AP3B2: variants seen among roughly 807,000 people sequenced by gnomAD.
AP3B2 encodes the protein AP-3 complex subunit beta-2.
A neutral mutation model predicts 126.9 loss-of-function variants in AP3B2; 50 were observed. That is an observed-to-expected ratio of 0.39 (90% CI 0.31 to 0.50). The LOEUF is 0.50. AP3B2 is among the 20% of genes least tolerant of loss of function. The pLI, the probability that AP3B2 is intolerant of heterozygous loss-of-function variation, is 0.79. For missense variants in AP3B2, 1,177 were observed against 1,426.4 expected, an observed-to-expected ratio of 0.83 and a Z score of 2.82; for synonymous variants, 541 against 565.0, an observed-to-expected ratio of 0.96 and a Z score of 0.60.
chr15:82,678,304 T>C, intron 10 of AP3B2, 137 bp from the exon 11 acceptor site: 5 of 883,328 alleles, frequency 5.7e-6, no homozygotes, highest in Admixed American at 2.1e-5. Context: ...GATGAGGGAA[T>C]TGACAGGTTA....
At chr15:82,663,723 A>C in intron 20 of AP3B2, 78 bp downstream of exon 20, 1 of 1,599,858 alleles carries the variant, frequency 6.3e-7, no homozygotes, top group Non-Finnish European at 8.5e-7. Flanking sequence ...GTAGGGAGAT[A>C]GATGTCTGGG....
At chr15:82,693,293 C>T (rs1027762422) in intron 1 of AP3B2, among the ~76,000 whole-genome samples, 2 of 149,478 alleles carry the variant, frequency 1.3e-5, no homozygotes, top group African/African-American at 4.9e-5. Flanking sequence ...ATTGCCCAGG[C>T]TGGAGTGCAA....
At chr15:82,685,778 C>G (rs2151446037) in intron 4 of AP3B2, 1 of 152,316 alleles carries the variant, frequency 6.6e-6, no homozygotes, top group Non-Finnish European at 1.5e-5. Flanking sequence ...GCATTTCCTG[C>G]ATTGCTATTT....
intron 1 of AP3B2, chr15:82,692,445 C>T (rs1438818196): frequency 2.9e-6 from 1 of 341,516 alleles, no homozygotes; most frequent in South Asian, 4.7e-5. Context: ...ACTGTGGGAA[C>T]GAGAAGCAAT....
intron 4 of AP3B2, among the ~76,000 whole-genome samples, chr15:82,683,233 G>A (rs1360422880): frequency 6.7e-6 from 1 of 148,410 alleles, no homozygotes; most frequent in African/African-American, 2.5e-5. Context: ...TAATTTTTCT[G>A]TTTTTAGTAG....
intron 4 of AP3B2, among the ~76,000 whole-genome samples, chr15:82,684,171 T>C (rs2048389369): frequency 6.6e-6 from 1 of 152,202 alleles, no homozygotes. Flanking sequence ...CATTGACTTC[T>C]CTCTAGGTAG....
At position 82,689,393 on chromosome 15, in the gene AP3B2, C is replaced by T; in HGVS notation, c.174G>A (p.Met58Ile). The stretch of plus-strand genomic sequence containing the variant: ...CCCCTCTTACCGCCACAATCCTCTT[C>T]ATGGCCTCCAGCTTGAGAGAATCCT... ...TNKDSLKLEA[M>I]KRIVAMIARG... Residue 58 changes from methionine (M) to isoleucine (I), a missense_variant, in exon 2 of 27, where the codon ATG becomes ATA. Coordinates refer to ENST00000535359, the MANE Select transcript of AP3B2 (RefSeq NM_001278512.2). 1 of 1,613,924 alleles carries T rather than the reference C, an allele frequency of 6.2e-7. No individual in the cohort carries two copies. The highest frequency in any genetic ancestry group is 8.5e-7 in the Non-Finnish European group (1 of 1,179,878).
chr15:82,670,457 G>C (rs1380363460), intron 14 of AP3B2, among the ~76,000 whole-genome samples: 1 of 152,144 alleles, frequency 6.6e-6, no homozygotes, highest in Non-Finnish European at 1.5e-5. Flanking sequence ...TTAGGGAAAG[G>C]AGAGTCTCTT....
At chr15:82,704,066 T>C (rs1343164832) in intron 1 of AP3B2, among the ~76,000 whole-genome samples, 2 of 152,182 alleles carry the variant, frequency 1.3e-5, no homozygotes, top group Admixed American at 6.5e-5. Context: ...TGGCTGGAGC[T>C]AAAGGCATAG....
chr15:82,681,701 CTG>C lies in AP3B2; in HGVS notation c.361-123_361-122del. 2 of 1,122,408 alleles carry C rather than the reference CTG, an allele frequency of 1.8e-6. No homozygotes were observed. Among genetic ancestry groups the C allele is most frequent in the Admixed American group, 5.2e-5 (2 of 38,384 alleles). 69.5% of individuals were successfully genotyped at this position (1,122,408 alleles called of 1,614,324 possible). A position where few individuals can be genotyped will look rare whatever the true frequency, so the allele number is the denominator to read the frequency against. ...TAGCTCTTGCTTCCCTGCCGCTTGA[CTG>C]GAGCCTGGATGGTGTGCCAGTGATG... On this transcript the variant is annotated intron_variant, in intron 4 of 26. Transcript: ENST00000535359. This position sits in a 1 kb window ranked among gnomAD's most constrained non-coding sequence, Gnocchi z 4.0.
At chr15:82,689,484 G>T in intron 1 of AP3B2, 31 bp from the exon 2 acceptor site, 1 of 1,603,210 alleles carries the variant, frequency 6.2e-7, no homozygotes, top group Non-Finnish European at 8.5e-7. Context: ...TCAGCTGAGG[G>T]CACAAGGGTG....
chr15:82,702,499 C>G (rs2048734465), intron 1 of AP3B2, among the ~76,000 whole-genome samples: 1 of 152,158 alleles, frequency 6.6e-6, no homozygotes, highest in Non-Finnish European at 1.5e-5. Context: ...CCTGCCTTAA[C>G]TGATGACATT....
chr15:82,674,042 G>A (rs181852305), intron 14 of AP3B2, among the ~76,000 whole-genome samples: 2 of 152,252 alleles, frequency 1.3e-5, no homozygotes, highest in Admixed American at 1.3e-4. Context: ...TGCCTTTGTG[G>A]CCTCTGGTCT....
chr15:82,663,617 G>A lies in AP3B2; in HGVS notation c.2440C>T (p.Pro814Ser). 1 of 1,613,930 alleles carries A rather than the reference G, an allele frequency of 6.2e-7. No individual in the cohort carries two copies. Among genetic ancestry groups the A allele is most frequent in the Non-Finnish European group, 8.5e-7 (1 of 1,179,850 alleles). The change falls in exon 21 of 27, where the codon CCC (proline) becomes TCC (serine). Residue 814 changes from proline (P) to serine (S), a missense_variant. Transcript: ENST00000535359. ...EPASWSRKTP[P>S]SSKSAPATKE... ...GTTGCAGGAGCACTTTTGCTGCTGGGAGGCTGAAAGAGAAAAATGGGATGT... is the reference window on the plus strand; with the variant it reads ...GTTGCAGGAGCACTTTTGCTGCTGGAAGGCTGAAAGAGAAAAATGGGATGT...
In AP3B2 at chr15:82,664,434, C is replaced by T; in HGVS notation, c.2194G>A (p.Glu732Lys). The T allele has an allele frequency of 6.2e-7, 1 of 1,613,930 alleles. No homozygotes were observed. The highest frequency in any genetic ancestry group is 8.5e-7 in the Non-Finnish European group (1 of 1,179,886). Residue 732 changes from glutamate to lysine, a missense_variant, in exon 19 of 27, where the codon GAG (glutamate) becomes AAG (lysine). This residue lies in a region of AP3B2 where 587 missense variants were observed against 571.3 expected (regional missense o/e 1.03). Transcript: ENST00000535359. The surrounding 1 kb of genome is among the most constrained non-coding windows in gnomAD (Gnocchi z 4.5). ...TCATTGTCGGACTCACTGCTGGACTCCCCAGAGCCGCTCTCACTGCTGCTC... is the reference window on the plus strand; with the variant it reads ...TCATTGTCGGACTCACTGCTGGACTTCCCAGAGCCGCTCTCACTGCTGCTC... Reference protein sequence around the residue: ...SKSSSESGSGESSSESDNEDQ... With the variant: ...SKSSSESGSGKSSSESDNEDQ...
At chr15:82,668,855 TC>T (rs2048101027) in intron 14 of AP3B2, among the ~76,000 whole-genome samples, 1 of 152,134 alleles carries the variant, frequency 6.6e-6, no homozygotes, top group African/African-American at 2.4e-5. Flanking sequence ...GCTCCAGTTG[TC>T]AGAGAGGAAT....
Position 82,663,882 on chromosome 15 carries a change from G to A in AP3B2, c.2355C>T (p.Ser785=), listed in dbSNP as rs2048003419. Reference sequence around the variant, plus strand: ...TCTCGGACTCTGATGAGCTACTGCTGGAATCGCTGCCCTCATCAGAGGATG... The same window carrying A: ...TCTCGGACTCTGATGAGCTACTGCTAGAATCGCTGCCCTCATCAGAGGATG... ...EASSSDEGSD[S]SSSSSESEMT... The change falls in exon 20 of 27, where the codon TCC becomes TCT. Residue 785 remains serine (S), a synonymous_variant. Transcript: ENST00000535359. 1 of 1,613,628 alleles carries A rather than the reference G, an allele frequency of 6.2e-7. No homozygotes were observed. Among genetic ancestry groups the A allele is most frequent in the Non-Finnish European group, 8.5e-7 (1 of 1,179,866 alleles).
chr15:82,690,642 C>CTTTTTTTTTTTTT (rs147811093), intron 1 of AP3B2, among the ~76,000 whole-genome samples: 6 of 68,928 alleles, frequency 8.7e-5, no homozygotes, highest in African/African-American at 2.0e-4. Flanking sequence ...TTTTCTTCTT[C>CTTTTTTTTTTTTT]TTTTTTTTTT....
At position 82,676,442 on chromosome 15, in the gene AP3B2, GT is replaced by G. The variant is rs1567263157; in HGVS notation, c.1665+18del. On this transcript the variant is annotated intron_variant, in intron 14 of 26. Transcript: ENST00000535359. ...TTCTGGGGACCAGAGTATCTGGGGG[GT>G]CATCTCTTAATCTTTACCTGTTTAG... The G allele has an allele frequency of 6.2e-7, 1 of 1,611,838 alleles. No homozygotes were observed. Among genetic ancestry groups the G allele is most frequent in the South Asian group, 1.1e-5 (1 of 90,730 alleles).
Sources: allele counts gnomAD v4.1 joint callset (sites outside exome capture counted in the v4.1 genomes callset), GRCh38; gene constraint gnomAD v4.1.1; regional missense constraint gnomAD v4.1.1; non-coding constraint Gnocchi (gnomAD v3.1); transcripts MANE v1.5; gene names NCBI Gene and HGNC (gene_info 2026-07-23, HGNC 2026-07-21).